PLAGL1: variants seen among roughly 807,000 people sequenced by gnomAD.
PLAGL1 encodes the protein zinc finger protein PLAGL1.
PLAGL1 carries 1 observed loss-of-function variant against 4.6 expected under a neutral mutation model. That is an observed-to-expected ratio of 0.22 (90% CI 0.08 to 1.03). The LOEUF (loss-of-function observed/expected upper bound fraction) is 1.03. Among genes scored for constraint, PLAGL1 ranks in the 50% least tolerant of loss-of-function variants. PLAGL1 has a pLI of 0.58. For synonymous variants in PLAGL1, 240 were observed against 237.8 expected (o/e 1.01, Z -0.08); for missense variants, 464 against 570.4 (o/e 0.81, Z 1.90).
rs1241642365 is a variant in PLAGL1 at position 143,959,291 on chromosome 6, A to ACC, written c.-325+1177_-325+1178insGG. ...ACAGACAAGGCCTGCTGTGTTAGCC[A>ACC]CACCCCACCTGTTCGCAGCCCATGG... On this transcript the variant is annotated intron_variant, in intron 6 of 7. Transcript: ENST00000674357. The surrounding 1 kb of genome is among the most constrained non-coding windows in gnomAD (Gnocchi z 5.3). Among the ~76,000 whole-genome samples the ACC allele has an allele frequency of 1.3e-5, 2 of 151,816 alleles. No homozygotes were observed. The highest frequency in any genetic ancestry group is 4.8e-5 in the African/African-American group (2 of 41,306).
At position 143,978,183 on chromosome 6, in the gene PLAGL1, G is replaced by A. The variant is rs372098430; in HGVS notation, c.-544+6952C>T. Among the ~76,000 whole-genome samples, 48 of 151,972 alleles carry A rather than the reference G, an allele frequency of 3.2e-4. No individual in the cohort carries two copies. In the South Asian group the frequency reaches 9.2e-3, roughly 29 times the overall value. ...CCTGTTTTCAACTTTGTTGATTTCC[G>A]CTCTAATTTTCAGTATTTACTTTCT... On this transcript the variant is annotated intron_variant, in intron 2 of 7. Transcript: ENST00000674357. The surrounding 1 kb of genome is among the most constrained non-coding windows in gnomAD (Gnocchi z 4.6).
chr6:143,998,045 A>C (rs1376829324), intron 1 of PLAGL1, among the ~76,000 whole-genome samples: 1 of 152,232 alleles, frequency 6.6e-6, no homozygotes, highest in East Asian at 1.9e-4. Flanking sequence ...AAAATTTTCT[A>C]CTTAAAATAA....
In PLAGL1 at chr6:143,978,528, A is replaced by C. The variant is rs1787208117; in HGVS notation, c.-544+6607T>G. On this transcript the variant is annotated intron_variant, in intron 2 of 7. Coordinates refer to ENST00000674357, the MANE Select transcript of PLAGL1 (RefSeq NM_001317162.2). This position sits in a 1 kb window ranked among gnomAD's most constrained non-coding sequence, Gnocchi z 4.6. Reference sequence around the variant, plus strand: ...GTTTAATTCTGTAGTCTCAGAAAGTATTTTGTATGGTTTCTATTCTTTTAA... The same window carrying C: ...GTTTAATTCTGTAGTCTCAGAAAGTCTTTTGTATGGTTTCTATTCTTTTAA... Among the ~76,000 whole-genome samples, 2 of 152,060 alleles carry C rather than the reference A, an allele frequency of 1.3e-5. No individual in the cohort carries two copies. The highest frequency in any genetic ancestry group is 4.8e-5 in the African/African-American group (2 of 41,394).
At position 144,027,362 on chromosome 6, in the gene PLAGL1, A is replaced by G. The variant is rs985562123; in HGVS notation, c.-151+37106T>C. Among the ~76,000 whole-genome samples the G allele has an allele frequency of 3.3e-5, 5 of 152,202 alleles. No individual in the cohort carries two copies. Among genetic ancestry groups the G allele is most frequent in the African/African-American group, 1.2e-4 (5 of 41,454 alleles). ...GTAAGTATTCAGAATAAGAAGCAAA[A>G]CTGCAGGTGAGGATCTTTTTGTTTC... is the stretch of plus-strand genomic sequence containing the variant. On this transcript the variant is annotated intron_variant, in intron 1 of 3. Coordinates refer to the PLAGL1 transcript ENST00000437412. The surrounding 1 kb of genome is among the most constrained non-coding windows in gnomAD (Gnocchi z 5.8).
Position 144,050,432 on chromosome 6 carries a change from C to T in PLAGL1, c.-151+14036G>A, listed in dbSNP as rs1293790310. ...CCCTTCTCAGAGCATTTTTATCGCT[C>T]ATATGTTATTCTCTTTTCTTCTGTC... On this transcript the variant is annotated intron_variant, in intron 1 of 3. Transcript: ENST00000437412. This position sits in a 1 kb window ranked among gnomAD's most constrained non-coding sequence, Gnocchi z 4.3. Among the ~76,000 whole-genome samples the T allele has an allele frequency of 1.3e-5, 2 of 152,198 alleles. No homozygotes were observed. Among genetic ancestry groups the T allele is most frequent in the Non-Finnish European group, 2.9e-5 (2 of 68,042 alleles).
intron 1 of PLAGL1, among the ~76,000 whole-genome samples, chr6:144,042,277 G>C (rs907289016): frequency 2.0e-5 from 3 of 152,086 alleles, no homozygotes; most frequent in African/African-American, 7.2e-5. Flanking sequence ...GTACTGCCTA[G>C]GTTTTCTTCT....
chr6:144,058,135 G>T (rs1332794106), intron 1 of PLAGL1, among the ~76,000 whole-genome samples: 1 of 152,164 alleles, frequency 6.6e-6, no homozygotes, highest in African/African-American at 2.4e-5. Context: ...AAGAAGCATG[G>T]TGCTGACATA....
intron 1 of PLAGL1, among the ~76,000 whole-genome samples, chr6:144,028,220 G>C (rs1796517594): frequency 6.6e-6 from 1 of 152,090 alleles, no homozygotes; most frequent in Non-Finnish European, 1.5e-5. Context: ...ACTCTTGTAA[G>C]TGTTCCAAAG....
chr6:144,017,966 G>A (rs556293700), intron 1 of PLAGL1, among the ~76,000 whole-genome samples: 2 of 152,264 alleles, frequency 1.3e-5, no homozygotes, highest in African/African-American at 4.8e-5. Context: ...GTTCAAGATT[G>A]TAATCATTTT....
intron 1 of PLAGL1, chr6:144,037,001 A>G: frequency 5.9e-6 from 1 of 168,154 alleles, no homozygotes; most frequent in Non-Finnish European, 1.3e-5. Flanking sequence ...TAGTATCTTA[A>G]ATCTTTCCTT....
At position 143,964,095 on chromosome 6, in the gene PLAGL1, C is replaced by T. The variant is rs2128561947; in HGVS notation, c.-399+692G>A. On this transcript the variant is annotated intron_variant, in intron 5 of 7. Coordinates refer to ENST00000674357, the MANE Select transcript of PLAGL1 (RefSeq NM_001317162.2). The surrounding 1 kb of genome is among the most constrained non-coding windows in gnomAD (Gnocchi z 4.3). Reference sequence around the variant, plus strand: ...CATCCCCCCATGGCCAACCCCCCATCCCAGGGCCTGATAAGGAGGTATGTC... The same window carrying T: ...CATCCCCCCATGGCCAACCCCCCATTCCAGGGCCTGATAAGGAGGTATGTC... 6.6e-6 allele frequency among the ~76,000 whole-genome samples: 1 copy of T among 152,168 alleles called. No homozygotes were observed. The highest frequency in any genetic ancestry group is 1.9e-4 in the East Asian group (1 of 5,170).
intron 6 of PLAGL1, among the ~76,000 whole-genome samples, chr6:143,956,103 T>C (rs1469191115): frequency 6.6e-6 from 1 of 152,246 alleles, no homozygotes; most frequent in Non-Finnish European, 1.5e-5. Context: ...TTTCTGAACC[T>C]AACTTATACA....
chr6:143,952,899 A>T lies in PLAGL1; in HGVS notation c.-324-4439T>A, dbSNP rs1350064570. Among the ~76,000 whole-genome samples the T allele has an allele frequency of 1.3e-5, 2 of 152,212 alleles. No homozygotes were observed. The highest frequency in any genetic ancestry group is 4.1e-4 in the South Asian group (2 of 4,832). ...GGACTTTGGTAGCAGTCTCTATCAA[A>T]TTTAAAAAAGCTATTTAGAAATGTC... is the stretch of plus-strand genomic sequence containing the variant. On this transcript the variant is annotated intron_variant, in intron 6 of 7. Coordinates refer to ENST00000674357, the MANE Select transcript of PLAGL1 (RefSeq NM_001317162.2). This position sits in a 1 kb window ranked among gnomAD's most constrained non-coding sequence, Gnocchi z 6.1.
chr6:144,046,664 G>A (rs1798176619), intron 1 of PLAGL1, among the ~76,000 whole-genome samples: 1 of 152,320 alleles, frequency 6.6e-6, no homozygotes, highest in African/African-American at 2.4e-5. Flanking sequence ...ACTTGAGGAG[G>A]CAGTGTGTCT....
intron 1 of PLAGL1, among the ~76,000 whole-genome samples, chr6:144,057,995 C>T (rs1267609323): frequency 6.6e-6 from 1 of 152,182 alleles, no homozygotes; most frequent in Non-Finnish European, 1.5e-5. Flanking sequence ...TATACTAAAG[C>T]TAAAATTGGT....
At chr6:144,021,262 T>C (rs1041608890) in intron 1 of PLAGL1, among the ~76,000 whole-genome samples, 1 of 152,206 alleles carries the variant, frequency 6.6e-6, no homozygotes, top group Non-Finnish European at 1.5e-5. Flanking sequence ...TTTGATAACA[T>C]TGTAGAGTAG....
Position 143,947,644 on chromosome 6 carries a change from G to T in PLAGL1, c.152+341C>A, listed in dbSNP as rs1360609044. The stretch of plus-strand genomic sequence containing the variant: ...GTCCCCATCTGAGAAGCCGTCCCAG[G>T]TTTCATCAGGCAGTGAAGAACAACT... On this transcript the variant is annotated intron_variant, in intron 7 of 7. Coordinates refer to ENST00000674357, the MANE Select transcript of PLAGL1 (RefSeq NM_001317162.2). This position sits in a 1 kb window ranked among gnomAD's most constrained non-coding sequence, Gnocchi z 4.3. Among the ~76,000 whole-genome samples, 1 of 152,152 alleles carries T rather than the reference G, an allele frequency of 6.6e-6. No individual in the cohort carries two copies. Among genetic ancestry groups the T allele is most frequent in the Non-Finnish European group, 1.5e-5 (1 of 68,026 alleles).
rs931127576 is a variant in PLAGL1 at position 144,016,476 on chromosome 6, A to G, written c.-150-47498T>C. Reference sequence around the variant, plus strand: ...GACACACCTAGGATCAATACTTTGTATCTTTCAATCCAATCAAGGTGACAG... The same window carrying G: ...GACACACCTAGGATCAATACTTTGTGTCTTTCAATCCAATCAAGGTGACAG... On this transcript the variant is annotated intron_variant, in intron 1 of 3. Coordinates refer to the PLAGL1 transcript ENST00000437412. This position sits in a 1 kb window ranked among gnomAD's most constrained non-coding sequence, Gnocchi z 4.2. Among the ~76,000 whole-genome samples, 4 of 152,232 alleles carry G rather than the reference A, an allele frequency of 2.6e-5. No individual in the cohort carries two copies. Among genetic ancestry groups the G allele is most frequent in the Non-Finnish European group, 5.9e-5 (4 of 68,038 alleles).
In PLAGL1 at chr6:144,034,875, C is replaced by G. The variant is rs1797105157; in HGVS notation, c.-151+29593G>C. Reference sequence around the variant, plus strand: ...TTTAACATCACTGAGTAGACTAATACTCCTCCCAGAGCCTGATCTAGGACT... The same window carrying G: ...TTTAACATCACTGAGTAGACTAATAGTCCTCCCAGAGCCTGATCTAGGACT... On this transcript the variant is annotated intron_variant, in intron 1 of 3. Transcript: ENST00000437412. The surrounding 1 kb of genome is among the most constrained non-coding windows in gnomAD (Gnocchi z 4.7). Among the ~76,000 whole-genome samples the G allele has an allele frequency of 6.6e-6, 1 of 152,186 alleles. No individual in the cohort carries two copies. Among genetic ancestry groups the G allele is most frequent in the Non-Finnish European group, 1.5e-5 (1 of 68,042 alleles).
Sources: allele counts gnomAD v4.1 joint callset (sites outside exome capture counted in the v4.1 genomes callset), GRCh38; gene constraint gnomAD v4.1.1; non-coding constraint Gnocchi (gnomAD v3.1); transcripts MANE v1.5; gene names NCBI Gene and HGNC (gene_info 2026-07-23, HGNC 2026-07-21).